The following TIMP2 variants were observed in gnomAD, a reference collection of about 807,000 sequenced individuals.
The protein encoded by TIMP2 is TIMP metallopeptidase inhibitor 2, also known as metalloproteinase inhibitor 2.
A neutral mutation model predicts 24.3 loss-of-function variants in TIMP2; 5 were observed. The observed-to-expected ratio is 0.21, with a 90% confidence interval of 0.11 to 0.43. The LOEUF is 0.43. Among genes scored for constraint, TIMP2 ranks in the 20% least tolerant of loss-of-function variants. TIMP2 has a pLI of 1.00. For synonymous variants in TIMP2, 130 were observed against 123.2 expected, an observed-to-expected ratio of 1.06 and a Z score of -0.37; for missense variants, 221 against 297.5, an observed-to-expected ratio of 0.74 and a Z score of 1.89.
Position 78,873,932 on chromosome 17 carries a change from A to G in TIMP2, c.131-13T>C. On this transcript the variant is annotated splice_polypyrimidine_tract_variant and intron_variant, in intron 1 of 4. Coordinates refer to ENST00000262768, the MANE Select transcript of TIMP2 (RefSeq NM_003255.5). Reference sequence around the variant, plus strand: ...TTGGCCCTGATCACTGCAAAACACAAGACACAGAGGTGAGGAGAGTTCCTG... The same window carrying G: ...TTGGCCCTGATCACTGCAAAACACAGGACACAGAGGTGAGGAGAGTTCCTG... The G allele has an allele frequency of 6.2e-7, 1 of 1,611,856 alleles. No individual in the cohort carries two copies. The highest frequency in any genetic ancestry group is 8.5e-7 in the Non-Finnish European group (1 of 1,179,366).
rs1295724644 is a variant in TIMP2 at position 78,891,504 on chromosome 17, T to C, written c.131-17585A>G. On this transcript the variant is annotated intron_variant, in intron 1 of 4. Coordinates refer to ENST00000262768, the MANE Select transcript of TIMP2 (RefSeq NM_003255.5). The surrounding 1 kb of genome is among the most constrained non-coding windows in gnomAD (Gnocchi z 4.5). Reference sequence around the variant, plus strand: ...TCCAGCTCTTTCTGCCACTTGTTCTTCTCCCGGAGCGTGCACTGAGATGCT... The same window carrying C: ...TCCAGCTCTTTCTGCCACTTGTTCTCCTCCCGGAGCGTGCACTGAGATGCT... 6 of 1,551,182 alleles carry C rather than the reference T, an allele frequency of 3.9e-6. No homozygotes were observed. Among genetic ancestry groups the C allele is most frequent in the Non-Finnish European group, 5.2e-6 (6 of 1,147,126 alleles).
chr17:78,894,790 G>A (rs559874790), intron 1 of TIMP2, among the ~76,000 whole-genome samples: 11 of 151,782 alleles, frequency 7.2e-5, no homozygotes, highest in African/African-American at 2.4e-4. Flanking sequence ...ACAAAGAAAC[G>A]GATAAGCTGA....
At chr17:78,902,095 G>C (rs1007927568) in intron 1 of TIMP2, among the ~76,000 whole-genome samples, 1 of 152,156 alleles carries the variant, frequency 6.6e-6, no homozygotes, top group Non-Finnish European at 1.5e-5. Context: ...CAGTGGTGGC[G>C]GGGGGACGGG....
intron 3 of TIMP2, among the ~76,000 whole-genome samples, chr17:78,861,495 A>G (rs1358516153): frequency 6.6e-6 from 1 of 152,156 alleles, no homozygotes; most frequent in Non-Finnish European, 1.5e-5. Context: ...TATGCTTCAC[A>G]TTCTGCCTTT....
intron 1 of TIMP2, among the ~76,000 whole-genome samples, chr17:78,880,404 A>C (rs2069768875): frequency 6.6e-6 from 1 of 152,152 alleles, no homozygotes; most frequent in South Asian, 2.1e-4. Context: ...ATTGCCTCGA[A>C]AGGCCGGGTG....
intron 3 of TIMP2, among the ~76,000 whole-genome samples, chr17:78,869,448 C>G (rs1599148448): frequency 6.7e-6 from 1 of 148,176 alleles, no homozygotes; most frequent in Admixed American, 6.7e-5. Context: ...AAACTATAAA[C>G]AAAGAGATGC....
At position 78,855,585 on chromosome 17, in the gene TIMP2, C is replaced by T. The variant is rs1056210490; in HGVS notation, c.*82G>A. ...ATGAGTGTTTTATTCATGCTGTTTC[C>T]AGGAAGGGATGTCAGAGCTGGACCA... On this transcript the variant is annotated 3_prime_UTR_variant, in exon 5 of 5. Transcript: ENST00000262768. This position sits in a 1 kb window ranked among gnomAD's most constrained non-coding sequence, Gnocchi z 6.0. 2 of 1,473,478 alleles carry T rather than the reference C, an allele frequency of 1.4e-6. No homozygotes were observed. The highest frequency in any genetic ancestry group is 3.8e-5 in the Admixed American group (2 of 53,014). 91.3% of individuals were successfully genotyped at this position (1,473,478 alleles called of 1,614,324 possible).
At chr17:78,878,066 A>G (rs2145758345) in intron 1 of TIMP2, among the ~76,000 whole-genome samples, 1 of 152,308 alleles carries the variant, frequency 6.6e-6, no homozygotes, top group Non-Finnish European at 1.5e-5. Flanking sequence ...ATAGGCACTC[A>G]ACAAGCATGT....
intron 1 of TIMP2, chr17:78,899,601 G>A (rs1292452214): frequency 6.6e-6 from 1 of 152,186 alleles, no homozygotes; most frequent in East Asian, 1.9e-4. Flanking sequence ...CGGTCAAGCA[G>A]CTCGCCCTGG....
chr17:78,925,033 G>T lies in TIMP2; in HGVS notation c.56C>A (p.Thr19Lys). The stretch of plus-strand genomic sequence containing the variant: ...GCAGGCGTCGGCCGGGCGAAGCAGC[G>T]TCGCCAGCAGCAGGAGGCCGAGCGC... ...RLALGLLLLATLLRPADACSC... is the reference protein window; with the variant it reads ...RLALGLLLLAKLLRPADACSC... The change falls in exon 1 of 5, where the codon ACG becomes AAG. Residue 19 changes from threonine (T) to lysine (K), a missense_variant. Coordinates refer to ENST00000262768, the MANE Select transcript of TIMP2 (RefSeq NM_003255.5). The T allele has an allele frequency of 8.0e-7, 1 of 1,250,340 alleles. No homozygotes were observed. The highest frequency in any genetic ancestry group is 1.0e-6 in the Non-Finnish European group (1 of 989,694). The allele number at this position is 1,250,340 out of a possible 1,614,324, so 77.5% of individuals were successfully genotyped here. A position where few individuals can be genotyped will look rare whatever the true frequency, so the allele number is the denominator to read the frequency against.
At chr17:78,907,060 G>A (rs752128568) in intron 1 of TIMP2, among the ~76,000 whole-genome samples, 1 of 152,060 alleles carries the variant, frequency 6.6e-6, no homozygotes, top group African/African-American at 2.4e-5. Flanking sequence ...AGTAAGAGAC[G>A]TCTCGCTCTG....
At chr17:78,923,869 A>G (rs971945424) in intron 1 of TIMP2, among the ~76,000 whole-genome samples, 1 of 152,126 alleles carries the variant, frequency 6.6e-6, no homozygotes, top group Non-Finnish European at 1.5e-5. Flanking sequence ...GGAGAAACAG[A>G]AAGTCCCACC....
intron 1 of TIMP2, among the ~76,000 whole-genome samples, chr17:78,881,849 G>A (rs1311455198): frequency 2.6e-5 from 4 of 152,192 alleles, no homozygotes; most frequent in African/African-American, 4.8e-5. Context: ...AGTTAGTAAC[G>A]CCCTTGCTAA....
intron 1 of TIMP2, among the ~76,000 whole-genome samples, chr17:78,916,621 C>G (rs896262575): frequency 6.6e-6 from 1 of 152,142 alleles, no homozygotes; most frequent in Non-Finnish European, 1.5e-5. Context: ...GGTGGGAGCT[C>G]TGCTCCCCTG....
At chr17:78,922,154 C>T (rs1296990464) in intron 1 of TIMP2, 2 of 152,236 alleles carry the variant, frequency 1.3e-5, no homozygotes, top group Non-Finnish European at 2.9e-5. Flanking sequence ...TAAGAATCTT[C>T]CAGGCAATTC....
At chr17:78,922,939 C>T (rs1286595336) in intron 1 of TIMP2, among the ~76,000 whole-genome samples, 1 of 152,168 alleles carries the variant, frequency 6.6e-6, no homozygotes, top group Non-Finnish European at 1.5e-5. Flanking sequence ...GAGATTCTCC[C>T]TCACAGCCCC....
In TIMP2 at chr17:78,891,336, G is replaced by T; in HGVS notation, c.131-17417C>A. On this transcript the variant is annotated intron_variant, in intron 1 of 4. Transcript: ENST00000262768. This position sits in a 1 kb window ranked among gnomAD's most constrained non-coding sequence, Gnocchi z 4.5. ...GGGTCTGCCATTTTCTTCCCTCTTGGGGTCCCAGCGCCACACTCTTGCATC... is the reference window on the plus strand; with the variant it reads ...GGGTCTGCCATTTTCTTCCCTCTTGTGGTCCCAGCGCCACACTCTTGCATC... The T allele has an allele frequency of 6.5e-7, 1 of 1,550,202 alleles. No homozygotes were observed. Among genetic ancestry groups the T allele is most frequent in the Admixed American group, 2.0e-5 (1 of 50,976 alleles).
At chr17:78,883,813 C>T (rs2069800385) in intron 1 of TIMP2, among the ~76,000 whole-genome samples, 1 of 152,172 alleles carries the variant, frequency 6.6e-6, no homozygotes, top group Non-Finnish European at 1.5e-5. Flanking sequence ...CTTCCTGCCG[C>T]CCTCCCCAAC....
intron 1 of TIMP2, chr17:78,922,276 G>A (rs2070313441): frequency 6.6e-6 from 1 of 152,210 alleles, no homozygotes; most frequent in African/African-American, 2.4e-5. Flanking sequence ...TGTGGGATTT[G>A]TTCCGGGACC....
Sources: allele counts gnomAD v4.1 joint callset (sites outside exome capture counted in the v4.1 genomes callset), GRCh38; gene constraint gnomAD v4.1.1; non-coding constraint Gnocchi (gnomAD v3.1); transcripts MANE v1.5; gene names NCBI Gene and HGNC (gene_info 2026-07-23, HGNC 2026-07-21).